TIMP3: variants seen among roughly 807,000 people sequenced by gnomAD.
The protein encoded by TIMP3 is TIMP metallopeptidase inhibitor 3.
Under a neutral mutation model 30.0 loss-of-function variants are expected in TIMP3, and 11 were observed. The ratio of observed to expected loss-of-function variants is 0.37; its 90% confidence interval spans 0.23 to 0.61. TIMP3 has a LOEUF of 0.61. Among genes scored for constraint, TIMP3 ranks in the 20% least tolerant of loss-of-function variants. TIMP3 has a pLI of 0.70. For missense variants in TIMP3, 181 were observed against 276.8 expected (o/e 0.65, Z 2.45); for synonymous variants, 112 against 111.3 (o/e 1.01, Z -0.04).
At chr22:32,807,473 T>C (rs2046796237) in intron 1 of TIMP3, among the ~76,000 whole-genome samples, 1 of 142,082 alleles carries the variant, frequency 7.0e-6, no homozygotes, top group Non-Finnish European at 1.5e-5. Flanking sequence ...AGGTTATAAT[T>C]TTAAACAGCT....
chr22:32,862,101 A>G lies in TIMP3; in HGVS notation c.*2724A>G, dbSNP rs2048558475. ...TCCCAATGGCTCCTGGAGTAGGAAA[A>G]AAGTTTAAACTACATTCATGTTCTT... On this transcript the variant is annotated 3_prime_UTR_variant, in exon 5 of 5. Coordinates refer to ENST00000266085, the MANE Select transcript of TIMP3 (RefSeq NM_000362.5). 1 of 152,344 alleles carries G rather than the reference A, an allele frequency of 6.6e-6. No homozygotes were observed. Among genetic ancestry groups the G allele is most frequent in the Non-Finnish European group, 1.5e-5 (1 of 67,988 alleles). 9.4% of individuals were successfully genotyped at this position (152,344 alleles called of 1,614,324 possible).
intron 1 of TIMP3, chr22:32,833,844 A>T: frequency 2.0e-6 from 1 of 501,286 alleles, no homozygotes; most frequent in Non-Finnish European, 4.0e-6. Flanking sequence ...AGCATTTAGC[A>T]CTGATCATGC....
intron 1 of TIMP3, among the ~76,000 whole-genome samples, chr22:32,818,079 A>G (rs1389423820): frequency 6.6e-6 from 1 of 152,262 alleles, no homozygotes; most frequent in Admixed American, 6.5e-5. Flanking sequence ...CACTGAGTCA[A>G]TAATGGTGTT....
chr22:32,840,185 G>A (rs1223311652), intron 1 of TIMP3, among the ~76,000 whole-genome samples: 1 of 152,218 alleles, frequency 6.6e-6, no homozygotes, highest in African/African-American at 2.4e-5. Context: ...GATTTTCTGA[G>A]TGTGTGTCTT....
At chr22:32,814,320 A>AAAGAAAGAAAGAAAGAAAGG (rs2047018465) in intron 1 of TIMP3, among the ~76,000 whole-genome samples, 30 of 144,816 alleles carry the variant, frequency 2.1e-4, no homozygotes, top group African/African-American at 7.5e-4. Context: ...AGAGAGACAG[A>AAAGAAAGAAAGAAAGAAAGG]AAGAAAGAAA....
At chr22:32,846,866 A>G (rs2048079500) in intron 1 of TIMP3, among the ~76,000 whole-genome samples, 1 of 152,212 alleles carries the variant, frequency 6.6e-6, no homozygotes, top group South Asian at 2.1e-4. Flanking sequence ...ACAAAAACGT[A>G]TTCTTTTCAC....
chr22:32,802,477 G>C (rs1307293531), intron 1 of TIMP3, among the ~76,000 whole-genome samples: 1 of 151,432 alleles, frequency 6.6e-6, no homozygotes, highest in Non-Finnish European at 1.5e-5. Context: ...CCAAAACTTG[G>C]AATGCTAACT....
intron 1 of TIMP3, among the ~76,000 whole-genome samples, chr22:32,824,838 G>C (rs1040435293): frequency 2.0e-4 from 30 of 152,142 alleles, no homozygotes; most frequent in African/African-American, 7.2e-4. Context: ...CAAAAGAGAT[G>C]CTCCCTACTC....
At chr22:32,839,932 C>A (rs1017947930) in intron 1 of TIMP3, among the ~76,000 whole-genome samples, 3 of 151,988 alleles carry the variant, frequency 2.0e-5, no homozygotes, top group African/African-American at 7.2e-5. Context: ...TCCCAGACCG[C>A]TCAAGCAGAA....
chr22:32,840,920 A>C (rs150486879), intron 1 of TIMP3, among the ~76,000 whole-genome samples: 1 of 152,054 alleles, frequency 6.6e-6, no homozygotes, highest in Non-Finnish European at 1.5e-5. Flanking sequence ...GTATCTCTCT[A>C]TCCCTGTATA....
Position 32,862,895 on chromosome 22 carries a change from T to C in TIMP3, c.*3518T>C, listed in dbSNP as rs972016687. 1.3e-5 allele frequency: 2 copies of C among 152,640 alleles called. No homozygotes were observed. Among genetic ancestry groups the C allele is most frequent in the Non-Finnish European group, 2.9e-5 (2 of 68,038 alleles). 9.5% of individuals were successfully genotyped at this position (152,640 alleles called of 1,614,324 possible). On this transcript the variant is annotated 3_prime_UTR_variant, in exon 5 of 5. Coordinates refer to ENST00000266085, the MANE Select transcript of TIMP3 (RefSeq NM_000362.5). Reference sequence around the variant, plus strand: ...TAGAAGGAATGTATTTGTTGCTAAATTTCGTAGCACTGTTTACAGTTTTCC... The same window carrying C: ...TAGAAGGAATGTATTTGTTGCTAAACTTCGTAGCACTGTTTACAGTTTTCC...
Position 32,801,932 on chromosome 22 carries a change from C to T in TIMP3, c.-70C>T. Reference sequence around the variant, plus strand: ...GCGAGCGAGCTCGGGCTGCAGCAGCCCCGCCGGCGGCGCGCACGGCAACTT... The same window carrying T: ...GCGAGCGAGCTCGGGCTGCAGCAGCTCCGCCGGCGGCGCGCACGGCAACTT... On this transcript the variant is annotated 5_prime_UTR_variant, in exon 1 of 5. Transcript: ENST00000266085. The surrounding 1 kb of genome is among the most constrained non-coding windows in gnomAD (Gnocchi z 4.7). The T allele has an allele frequency of 2.0e-6, 3 of 1,513,306 alleles. No individual in the cohort carries two copies. Among genetic ancestry groups the T allele is most frequent in the Non-Finnish European group, 2.6e-6 (3 of 1,137,450 alleles). The allele number at this position is 1,513,306 out of a possible 1,614,324, so 93.7% of individuals were successfully genotyped here.
At chr22:32,819,410 G>A (rs532301450) in intron 1 of TIMP3, among the ~76,000 whole-genome samples, 1 of 152,362 alleles carries the variant, frequency 6.6e-6, no homozygotes, top group South Asian at 2.1e-4. Flanking sequence ...GTAGAAGGGT[G>A]TATCTCATTT....
intron 1 of TIMP3, among the ~76,000 whole-genome samples, chr22:32,804,278 G>C (rs2046667055): frequency 6.6e-6 from 1 of 152,208 alleles, no homozygotes; most frequent in African/African-American, 2.4e-5. Flanking sequence ...GGTGTGAGCT[G>C]CTTGCCTGCC....
At chr22:32,832,768 G>A (rs1036622493) in intron 1 of TIMP3, among the ~76,000 whole-genome samples, 1 of 151,924 alleles carries the variant, frequency 6.6e-6, no homozygotes, top group African/African-American at 2.4e-5. Context: ...TCACTCTGTC[G>A]TTCAGCTGGA....
chr22:32,856,322 A>G (rs1402910912), intron 2 of TIMP3, among the ~76,000 whole-genome samples: 1 of 152,070 alleles, frequency 6.6e-6, no homozygotes, highest in Non-Finnish European at 1.5e-5. Flanking sequence ...AATGGGGGGT[A>G]TGGCTGGCTG....
chr22:32,848,687 C>G (rs557966211), intron 1 of TIMP3, among the ~76,000 whole-genome samples: 1 of 152,196 alleles, frequency 6.6e-6, no homozygotes, highest in Non-Finnish European at 1.5e-5. Flanking sequence ...CTAATCCCTT[C>G]AGTTCAAGAG....
intron 1 of TIMP3, among the ~76,000 whole-genome samples, chr22:32,832,850 C>T (rs1032981990): frequency 2.0e-5 from 3 of 152,162 alleles, no homozygotes; most frequent in African/African-American, 7.2e-5. Context: ...CCCTCAGCCT[C>T]CCAAGTAGCT....
At chr22:32,826,422 C>T (rs1037751303) in intron 1 of TIMP3, among the ~76,000 whole-genome samples, 27 of 151,438 alleles carry the variant, frequency 1.8e-4, no homozygotes, top group Admixed American at 4.6e-4. Flanking sequence ...GAGCAAACTC[C>T]GTCTCAAAAA....
Sources: gnomAD v4.1 joint callset for allele counts (sites outside exome capture counted in the v4.1 genomes callset) on GRCh38, gnomAD v4.1.1 for gene constraint, Gnocchi (gnomAD v3.1) non-coding constraint, MANE v1.5 for transcripts, NCBI Gene and HGNC (gene_info 2026-07-23, HGNC 2026-07-21) for gene names.